SIRT2: variants seen among roughly 807,000 people sequenced by gnomAD.
SIRT2 encodes the protein NAD-dependent protein deacetylase sirtuin-2.
A neutral mutation model predicts 57.4 loss-of-function variants in SIRT2; 40 were observed. The ratio of observed to expected loss-of-function variants is 0.70; its 90% CI spans 0.54 to 0.91. The LOEUF is 0.91. Ranked by LOEUF, SIRT2 falls within the 40% of genes least tolerant of loss-of-function variation. The pLI is 0.00. For synonymous variants in SIRT2, 161 were observed against 195.7 expected, an observed-to-expected ratio of 0.82 and a Z score of 1.48; for missense variants, 439 against 510.4, an observed-to-expected ratio of 0.86 and a Z score of 1.35.
At chr19:38,881,401 C>T (rs1328639339) in intron 10 of SIRT2, 31 bp downstream of exon 10, 2 of 1,611,174 alleles carry the variant, frequency 1.2e-6, no homozygotes, top group African/African-American at 1.3e-5. Context: ...CACCCAAATC[C>T]ACCTGGGCAG....
Position 38,889,847 on chromosome 19 carries a change from G to A in SIRT2, c.375+8C>T. On this transcript the variant is annotated splice_region_variant and intron_variant, in intron 6 of 15. Transcript: ENST00000249396. ...CTCACAGACGCCCCTTCCTGGGGGA[G>A]CACAAACCTTGAAATAGCTGATCTC... 6.2e-7 allele frequency: 1 copy of A among 1,613,420 alleles called. No homozygotes were observed. Among genetic ancestry groups the A allele is most frequent in the South Asian group, 1.1e-5 (1 of 91,068 alleles).
intron 9 of SIRT2, among the ~76,000 whole-genome samples, chr19:38,883,088 T>G (rs1568396932): frequency 6.7e-6 from 1 of 150,254 alleles, no homozygotes; most frequent in Non-Finnish European, 1.5e-5. Context: ...TTTTTTTTTT[T>G]TTTTTTTTTG....
intron 2 of SIRT2, chr19:38,894,179 C>A: frequency 2.7e-6 from 1 of 366,774 alleles, no homozygotes; most frequent in Non-Finnish European, 5.0e-6. Flanking sequence ...TTGCTGCAGC[C>A]TCAACCTCCC....
At chr19:38,888,596 T>G (rs1476683141) in intron 8 of SIRT2, among the ~76,000 whole-genome samples, 3 of 152,234 alleles carry the variant, frequency 2.0e-5, no homozygotes, top group Admixed American at 6.5e-5. Context: ...GTACGAGACA[T>G]GTTTATAATT....
In SIRT2 at chr19:38,881,493, T is replaced by G; in HGVS notation, c.632-2A>C. 6.2e-7 allele frequency: 1 copy of G among 1,613,280 alleles called. No homozygotes were observed. The highest frequency in any genetic ancestry group is 8.5e-7 in the Non-Finnish European group (1 of 1,179,498). ...GCGTCACCTCAGAGAAGATCTTCTCTGGGTATGGGGAAGGGGAAGAAAGAG... is the reference window on the plus strand; with the variant it reads ...GCGTCACCTCAGAGAAGATCTTCTCGGGGTATGGGGAAGGGGAAGAAAGAG... On this transcript the variant is annotated splice_acceptor_variant, in intron 9 of 15. Coordinates refer to ENST00000249396, the MANE Select transcript of SIRT2 (RefSeq NM_012237.4). LOFTEE classifies it high-confidence loss of function.
Position 38,880,834 on chromosome 19 carries a change from A to T in SIRT2, c.811T>A (p.Ser271Thr), listed in dbSNP as rs1036211657. ...GTSLQVQPFA[S>T]LISKAPLSTP... ...CCCCCAACCTACTTGCTGATGAGGG[A>T]GGCAAAGGGCTGCACCTGCAAGGAG... is the stretch of plus-strand genomic sequence containing the variant. Residue 271 changes from serine (S) to threonine (T), a missense_variant, in exon 12 of 16, where the codon TCC becomes ACC. Ser to Thr is a moderately conservative substitution (Grantham distance 58, BLOSUM62 1). Coordinates refer to ENST00000249396, the MANE Select transcript of SIRT2 (RefSeq NM_012237.4). This position sits in a 1 kb window ranked among gnomAD's most constrained non-coding sequence, Gnocchi z 4.1. 2 of 1,613,742 alleles carry T rather than the reference A, an allele frequency of 1.2e-6. No individual in the cohort carries two copies. The highest frequency in any genetic ancestry group is 1.7e-6 in the Non-Finnish European group (2 of 1,179,942).
At chr19:38,886,296 C>A (rs1490923567) in intron 8 of SIRT2, among the ~76,000 whole-genome samples, 3 of 152,198 alleles carry the variant, frequency 2.0e-5, no homozygotes, top group Admixed American at 1.3e-4. Flanking sequence ...TATTCTAAAT[C>A]TTGGTTTTGC....
intron 4 of SIRT2, chr19:38,890,614 C>A (rs1000819844): frequency 5.8e-6 from 1 of 172,630 alleles, no homozygotes; most frequent in Admixed American, 5.8e-5. Context: ...CACTTGAACC[C>A]GGGAGGCGGA....
chr19:38,883,080 T>G (rs903647355), intron 9 of SIRT2, among the ~76,000 whole-genome samples: 6 of 149,306 alleles, frequency 4.0e-5, no homozygotes, highest in Non-Finnish European at 7.4e-5. Flanking sequence ...TTCTTGTTTT[T>G]TTTTTTTTTT....
At chr19:38,889,297 G>A (rs1439713303) in intron 7 of SIRT2, 142 bp from the exon 8 acceptor site, 1 of 753,838 alleles carries the variant, frequency 1.3e-6, no homozygotes, top group Non-Finnish European at 2.4e-6. Context: ...AGAGACCACT[G>A]CTATCCCCAG....
chr19:38,882,510 C>G (rs1170885788), intron 9 of SIRT2, among the ~76,000 whole-genome samples: 1 of 151,984 alleles, frequency 6.6e-6, no homozygotes, highest in Non-Finnish European at 1.5e-5. Flanking sequence ...TAGCACGTGC[C>G]TGTAATCCCA....
intron 8 of SIRT2, among the ~76,000 whole-genome samples, chr19:38,886,113 G>A (rs1007714536): frequency 2.3e-4 from 35 of 152,174 alleles, no homozygotes; most frequent in African/African-American, 8.4e-4. Flanking sequence ...AACTGACAGC[G>A]TTTCCCAGGG....
chr19:38,886,908 C>A (rs1230258281), intron 8 of SIRT2, among the ~76,000 whole-genome samples: 2 of 151,796 alleles, frequency 1.3e-5, no homozygotes, highest in African/African-American at 4.8e-5. Flanking sequence ...CCGCGCCTGG[C>A]CTTTATATAA....
At chr19:38,890,372 C>T (rs527831222) in intron 4 of SIRT2, among the ~76,000 whole-genome samples, 2 of 152,142 alleles carry the variant, frequency 1.3e-5, no homozygotes, top group African/African-American at 4.8e-5. Flanking sequence ...CAATCAACTG[C>T]GGAAGAGCCA....
chr19:38,891,367 G>A (rs1359325775), intron 4 of SIRT2, among the ~76,000 whole-genome samples: 1 of 152,086 alleles, frequency 6.6e-6, no homozygotes, highest in Non-Finnish European at 1.5e-5. Context: ...TGGCTAACAT[G>A]GTGAAACCCC....
chr19:38,889,814 C>T (rs1973467548), intron 6 of SIRT2, 41 bp downstream of exon 6: 17 of 1,612,888 alleles, frequency 1.1e-5, no homozygotes, highest in African/African-American at 1.3e-5. Context: ...GTGACCCCAT[C>T]CCCACCCCTC....
At chr19:38,888,434 A>G (rs1029590389) in intron 8 of SIRT2, among the ~76,000 whole-genome samples, 4 of 152,202 alleles carry the variant, frequency 2.6e-5, no homozygotes, top group African/African-American at 9.6e-5. Flanking sequence ...GGCCTCCCAA[A>G]GTGCTGGGAT....
At chr19:38,894,669 A>C (rs77819622) in intron 2 of SIRT2, among the ~76,000 whole-genome samples, 1 of 152,014 alleles carries the variant, frequency 6.6e-6, no homozygotes, top group African/African-American at 2.4e-5. Context: ...CCTCACTTCA[A>C]GGACCTATGT....
chr19:38,897,503 C>A (rs1337225128), intron 2 of SIRT2, among the ~76,000 whole-genome samples: 1 of 151,030 alleles, frequency 6.6e-6, no homozygotes, highest in Non-Finnish European at 1.5e-5. Flanking sequence ...TCCCACAGTA[C>A]CCTGAGTTTC....
Sources: gnomAD v4.1 joint callset for allele counts (sites outside exome capture counted in the v4.1 genomes callset) on GRCh38, gnomAD v4.1.1 for gene constraint, Gnocchi (gnomAD v3.1) non-coding constraint, MANE v1.5 for transcripts, NCBI Gene and HGNC (gene_info 2026-07-23, HGNC 2026-07-21) for gene names.